The following CNTNAP2 variants were observed in gnomAD, a reference collection of about 807,000 sequenced individuals.
CNTNAP2 encodes contactin associated protein 2.
A neutral mutation model predicts 155.2 loss-of-function variants in CNTNAP2; 98 were observed. That is an observed-to-expected ratio of 0.63 (90% confidence interval 0.54 to 0.75). The LOEUF is 0.75. CNTNAP2 is among the 30% of genes least tolerant of loss of function. The pLI is 0.00. For synonymous variants in CNTNAP2, 651 were observed against 631.2 expected (o/e 1.03, Z -0.47); for missense variants, 1,727 against 1,688.1 (o/e 1.02, Z -0.40).
chr7:146,927,422 CA>C (rs1182308623), intron 3 of CNTNAP2, among the ~76,000 whole-genome samples: 20 of 152,070 alleles, frequency 1.3e-4, no homozygotes, highest in African/African-American at 4.6e-4. Context: ...GCAGTTTCTC[CA>C]GAATTAGAAA....
intron 1 of CNTNAP2, among the ~76,000 whole-genome samples, chr7:146,696,968 A>G (rs1214914525): frequency 1.3e-5 from 2 of 152,184 alleles, no homozygotes; most frequent in Admixed American, 6.6e-5. Context: ...TAGGCTTAAG[A>G]AGAATATATA....
At chr7:148,148,091 A>AGAGG (rs547343015) in intron 17 of CNTNAP2, among the ~76,000 whole-genome samples, 1,641 of 137,594 alleles carry the variant, frequency 0.012, 35 homozygotes, top group African/African-American at 0.041. Context: ...AGGAAGGGAG[A>AGAGG]GAGGGAGGGA....
chr7:146,633,212 T>G (rs1343762426), intron 1 of CNTNAP2, among the ~76,000 whole-genome samples: 1 of 152,216 alleles, frequency 6.6e-6, no homozygotes, highest in South Asian at 2.1e-4. Flanking sequence ...AAATTCAAGA[T>G]CTACCAAATA....
chr7:147,571,727 T>C (rs1563002791), intron 12 of CNTNAP2, among the ~76,000 whole-genome samples: 1 of 152,168 alleles, frequency 6.6e-6, no homozygotes, highest in African/African-American at 2.4e-5. Flanking sequence ...AGTTGGGCGC[T>C]ACTAAGCTTC....
intron 21 of CNTNAP2, among the ~76,000 whole-genome samples, chr7:148,308,739 C>G (rs193056408): frequency 3.3e-5 from 5 of 151,158 alleles, no homozygotes; most frequent in Admixed American, 1.3e-4. Context: ...CTCCCACCCC[C>G]CAATAGGCCC....
intron 9 of CNTNAP2, among the ~76,000 whole-genome samples, chr7:147,364,713 G>A (rs1162346098): frequency 2.6e-5 from 4 of 152,082 alleles, no homozygotes; most frequent in African/African-American, 7.2e-5. Flanking sequence ...GCCGGGAATG[G>A]TGGCGGGCAC....
chr7:148,215,977 A>C (rs1795632408), intron 18 of CNTNAP2, among the ~76,000 whole-genome samples: 1 of 152,210 alleles, frequency 6.6e-6, no homozygotes, highest in Non-Finnish European at 1.5e-5. Context: ...CATAGTGTTA[A>C]TTTAGTGGGA....
intron 13 of CNTNAP2, among the ~76,000 whole-genome samples, chr7:147,790,373 G>A (rs1374887608): frequency 6.6e-6 from 1 of 152,176 alleles, no homozygotes; most frequent in Non-Finnish European, 1.5e-5. Flanking sequence ...TCTCCTTAAT[G>A]CCTGCATAGA....
chr7:146,626,676 G>C (rs998719846), intron 1 of CNTNAP2, among the ~76,000 whole-genome samples: 7 of 151,972 alleles, frequency 4.6e-5, no homozygotes, highest in Admixed American at 6.6e-5. Context: ...TTAAAGACTA[G>C]ATCAAAGTCA....
chr7:147,199,995 G>A (rs952981858), intron 8 of CNTNAP2, among the ~76,000 whole-genome samples: 1 of 152,026 alleles, frequency 6.6e-6, no homozygotes, highest in African/African-American at 2.4e-5. Context: ...TTCACCTTCA[G>A]CCACACTCAG....
intron 3 of CNTNAP2, among the ~76,000 whole-genome samples, chr7:146,984,389 A>G (rs1213653856): frequency 7.0e-6 from 1 of 142,554 alleles, no homozygotes; most frequent in Non-Finnish European, 1.5e-5. Flanking sequence ...AAAAAAAAAG[A>G]TTTCTTAACC....
At chr7:146,337,312 A>AC (rs1398723297) in intron 1 of CNTNAP2, among the ~76,000 whole-genome samples, 2 of 152,064 alleles carry the variant, frequency 1.3e-5, no homozygotes, top group African/African-American at 4.8e-5. Context: ...AAAAAAAAAA[A>AC]AACAAACTAC....
chr7:148,269,095 G>A (rs1397039895), intron 21 of CNTNAP2, among the ~76,000 whole-genome samples: 2 of 152,114 alleles, frequency 1.3e-5, no homozygotes, highest in Non-Finnish European at 2.9e-5. Context: ...GGCTGGAGAG[G>A]GAGGCATCCA....
intron 8 of CNTNAP2, among the ~76,000 whole-genome samples, chr7:147,177,246 T>G (rs1297726244): frequency 2.0e-5 from 3 of 152,036 alleles, no homozygotes; most frequent in African/African-American, 7.2e-5. Flanking sequence ...CACCTTGAAT[T>G]GTAATAATCT....
chr7:147,246,539 C>T (rs933704116), intron 8 of CNTNAP2, among the ~76,000 whole-genome samples: 1 of 152,084 alleles, frequency 6.6e-6, no homozygotes, highest in African/African-American at 2.4e-5. Context: ...ATGGAAGAGG[C>T]AAGCCAATTC....
intron 13 of CNTNAP2, among the ~76,000 whole-genome samples, chr7:147,758,215 A>G (rs1195897046): frequency 6.6e-6 from 1 of 152,236 alleles, no homozygotes; most frequent in African/African-American, 2.4e-5. Flanking sequence ...GAGGAAATTT[A>G]ATTCTCCTAA....
chr7:147,609,048 C>T (rs533375165), intron 12 of CNTNAP2, among the ~76,000 whole-genome samples: 15 of 152,238 alleles, frequency 9.9e-5, no homozygotes, highest in East Asian at 9.7e-4. Context: ...TGGATGTATA[C>T]GTGCAGGTCA....
intron 1 of CNTNAP2, among the ~76,000 whole-genome samples, chr7:146,508,819 G>C (rs1288140532): frequency 6.6e-6 from 1 of 152,140 alleles, no homozygotes; most frequent in Non-Finnish European, 1.5e-5. Context: ...ACTTCATTGG[G>C]TTGCCTCTCA....
At chr7:148,149,461 G>A (rs180752347) in intron 17 of CNTNAP2, among the ~76,000 whole-genome samples, 87 of 152,278 alleles carry the variant, frequency 5.7e-4, no homozygotes, top group Non-Finnish European at 1.1e-3. Context: ...TTAGGAGAGA[G>A]TAATGTCACA....
Sources: allele counts gnomAD v4.1 joint callset (sites outside exome capture counted in the v4.1 genomes callset), GRCh38; gene constraint gnomAD v4.1.1; transcripts MANE v1.5; gene names NCBI Gene and HGNC (gene_info 2026-07-23, HGNC 2026-07-21).